CDH18: variants seen among roughly 807,000 people sequenced by gnomAD.
CDH18 encodes the protein cadherin-18.
A neutral mutation model predicts 67.9 loss-of-function variants in CDH18; 31 were observed. That is an observed-to-expected ratio of 0.46 (90% CI 0.34 to 0.62). CDH18 has a LOEUF of 0.62. Among genes scored for constraint, CDH18 ranks in the 20% least tolerant of loss-of-function variants. The pLI is 0.01. For missense variants in CDH18, 890 were observed against 975.5 expected (o/e 0.91, Z 1.17); for synonymous variants, 362 against 347.2 (o/e 1.04, Z -0.48).
intron 1 of CDH18, among the ~76,000 whole-genome samples, chr5:20,276,294 G>GGA (rs1745806039): frequency 6.6e-6 from 1 of 152,178 alleles, no homozygotes; most frequent in African/African-American, 2.4e-5. Context: ...TTCAACTGAG[G>GGA]AGAGGAGAGG....
chr5:19,985,100 T>C (rs1053280862), intron 1 of CDH18, among the ~76,000 whole-genome samples: 3 of 152,162 alleles, frequency 2.0e-5, no homozygotes, highest in Non-Finnish European at 4.4e-5. Context: ...TCAACATTTA[T>C]ACTATCTCTC....
chr5:19,585,925 T>C (rs1024320849), intron 7 of CDH18, among the ~76,000 whole-genome samples: 1 of 152,212 alleles, frequency 6.6e-6, no homozygotes, highest in African/African-American at 2.4e-5. Context: ...CAGACTCTGA[T>C]GACAGACACC....
intron 12 of CDH18, among the ~76,000 whole-genome samples, chr5:19,478,869 A>G (rs899970528): frequency 1.3e-5 from 2 of 152,318 alleles, no homozygotes; most frequent in South Asian, 4.1e-4. Flanking sequence ...TGATTGCATC[A>G]TAAAGGCTCA....
chr5:20,360,692 C>T (rs974601309), intron 1 of CDH18, among the ~76,000 whole-genome samples: 1 of 152,188 alleles, frequency 6.6e-6, no homozygotes, highest in African/African-American at 2.4e-5. Context: ...ATTATGCCAA[C>T]ATCATACTTC....
intron 6 of CDH18, among the ~76,000 whole-genome samples, chr5:19,610,068 T>C (rs756713369): frequency 6.6e-6 from 1 of 152,120 alleles, no homozygotes; most frequent in Non-Finnish European, 1.5e-5. Context: ...TTTGTTCAAA[T>C]GGAGTGCGAA....
intron 1 of CDH18, among the ~76,000 whole-genome samples, chr5:20,360,849 A>T (rs34520543): frequency 0.18 from 27,039 of 152,116 alleles, 2,834 homozygotes; most frequent in East Asian, 0.29. Flanking sequence ...ATTAGGAAGT[A>T]TACAATGACA....
At chr5:19,508,865 CTTTT>C (rs35438564) in intron 10 of CDH18, among the ~76,000 whole-genome samples, 6 of 127,588 alleles carry the variant, frequency 4.7e-5, no homozygotes, top group Admixed American at 8.0e-5. Flanking sequence ...TCTTTCTTTT[CTTTT>C]TTTTTTTTTT....
intron 1 of CDH18, among the ~76,000 whole-genome samples, chr5:20,459,256 C>T (rs977380519): frequency 5.9e-5 from 9 of 152,162 alleles, no homozygotes; most frequent in African/African-American, 2.2e-4. Flanking sequence ...CTTTTCTATA[C>T]CACAGGTTTT....
intron 1 of CDH18, among the ~76,000 whole-genome samples, chr5:20,522,073 CAA>C (rs1335581906): frequency 6.6e-6 from 1 of 151,944 alleles, no homozygotes; most frequent in African/African-American, 2.4e-5. Flanking sequence ...AGTGTTCTTA[CAA>C]AAAGAGAAAA....
chr5:20,545,580 G>C (rs1703035), intron 1 of CDH18, among the ~76,000 whole-genome samples: 67,093 of 152,106 alleles, frequency 0.44, 15,228 homozygotes, highest in East Asian at 0.57. Context: ...CAAGATATAC[G>C]TTGGCACCCT....
chr5:19,685,898 T>C (rs1483928245), intron 5 of CDH18, among the ~76,000 whole-genome samples: 2 of 152,084 alleles, frequency 1.3e-5, no homozygotes, highest in Non-Finnish European at 2.9e-5. Flanking sequence ...TCAGAAATAA[T>C]ATATAGACTT....
intron 1 of CDH18, among the ~76,000 whole-genome samples, chr5:20,318,763 TTTA>T (rs1355528020): frequency 1.3e-5 from 2 of 152,180 alleles, no homozygotes; most frequent in Non-Finnish European, 2.9e-5. Flanking sequence ...CTTTTCTTTT[TTTA>T]AAAAATTATA....
At chr5:19,780,719 T>C (rs950313776) in intron 3 of CDH18, among the ~76,000 whole-genome samples, 1 of 152,066 alleles carries the variant, frequency 6.6e-6, no homozygotes, top group Non-Finnish European at 1.5e-5. Flanking sequence ...AGAGACAAAA[T>C]GTATTTATAT....
At chr5:20,431,880 T>C (rs944345523) in intron 1 of CDH18, among the ~76,000 whole-genome samples, 2 of 152,234 alleles carry the variant, frequency 1.3e-5, no homozygotes, top group East Asian at 1.9e-4. Flanking sequence ...AAGCGATGTG[T>C]AGTGGAAAGC....
Position 20,488,673 on chromosome 5 carries a change from T to TTTTATATATATATA in CDH18, c.-580+86788_-580+86789insTATATATATATAAA, listed in dbSNP as rs1435006497. ...TCTTTTTGGTTGGAGGGGTAGTGTT[T>TTTTATATATATATA]TATATATATATATATATATATATAT... On this transcript the variant is annotated intron_variant, in intron 1 of 14. Transcript: ENST00000507958. 3.7e-3 allele frequency among the ~76,000 whole-genome samples: 465 copies of TTTTATATATATATA among 126,856 alleles called. 6 individuals carry two copies. Among genetic ancestry groups the TTTTATATATATATA allele is most frequent in the Non-Finnish European group, 6.0e-3 (351 of 58,954 alleles). The allele number at this position is 126,856 out of a possible 152,430, so 83.2% of individuals were successfully genotyped here.
chr5:19,662,916 T>C lies in CDH18; in HGVS notation c.644-50315A>G, dbSNP rs142961656. ...TAAGCTGTTATAATTTAAGAAACAA[T>C]ACAAAGTGAACAAAGGTGACTGAAT... is the stretch of plus-strand genomic sequence containing the variant. On this transcript the variant is annotated intron_variant, in intron 5 of 12. Coordinates refer to ENST00000382275, the MANE Select transcript of CDH18 (RefSeq NM_004934.5). Among the ~76,000 whole-genome samples, 22 of 152,092 alleles carry C rather than the reference T, an allele frequency of 1.4e-4. No individual in the cohort carries two copies. The East Asian group carries it at 4.1e-3, about 28-fold the overall frequency.
chr5:20,172,441 C>T (rs1378271301), intron 2 of CDH18, among the ~76,000 whole-genome samples: 2 of 150,892 alleles, frequency 1.3e-5, no homozygotes, highest in East Asian at 2.0e-4. Context: ...TTCCACAAGT[C>T]GCAATTTTGA....
intron 2 of CDH18, among the ~76,000 whole-genome samples, chr5:19,923,467 CACTA>C (rs1051780677): frequency 9.2e-5 from 14 of 152,140 alleles, no homozygotes; most frequent in Non-Finnish European, 1.9e-4. Context: ...AGATCATTTC[CACTA>C]ACTATCTTTG....
intron 2 of CDH18, among the ~76,000 whole-genome samples, chr5:20,242,636 A>ATATATATATACGTATATATATATG (rs1743060799): frequency 1.7e-5 from 1 of 58,402 alleles, no homozygotes; most frequent in African/African-American, 9.2e-5. Flanking sequence ...ATATATATGT[A>ATATATATATACGTATATATATATG]TATATATATA....
Sources: allele counts gnomAD v4.1 joint callset (sites outside exome capture counted in the v4.1 genomes callset), GRCh38; gene constraint gnomAD v4.1.1; transcripts MANE v1.5; gene names NCBI Gene and HGNC (gene_info 2026-07-23, HGNC 2026-07-21).